Variants in ACSS3 observed in about 807,000 individuals in gnomAD.
ACSS3 encodes the protein acyl-CoA synthetase short chain family member 3, also known as acyl-CoA synthetase short-chain family member 3, mitochondrial.
Under a neutral mutation model 84.2 loss-of-function variants are expected in ACSS3, and 64 were observed. The observed-to-expected ratio is 0.76, with a 90% CI of 0.62 to 0.94. The LOEUF (loss-of-function observed/expected upper bound fraction) is 0.94. Ranked by LOEUF, ACSS3 falls within the 40% of genes least tolerant of loss-of-function variation. The pLI is 0.00. For synonymous variants in ACSS3, 317 were observed against 310.1 expected (o/e 1.02, Z -0.23); for missense variants, 815 against 867.6 (o/e 0.94, Z 0.76).
chr12:81,138,574 G>A (rs1885926500), intron 3 of ACSS3, among the ~76,000 whole-genome samples: 1 of 152,000 alleles, frequency 6.6e-6, no homozygotes, highest in South Asian at 2.1e-4. Context: ...GGCTTTGTGG[G>A]GCTTGAAACT....
At chr12:81,160,163 G>A (rs1029849432) in intron 7 of ACSS3, among the ~76,000 whole-genome samples, 1 of 152,180 alleles carries the variant, frequency 6.6e-6, no homozygotes, top group Non-Finnish European at 1.5e-5. Context: ...AAACTGGTTG[G>A]TATAATTGGT....
At chr12:81,214,534 T>TA (rs966920498) in intron 9 of ACSS3, among the ~76,000 whole-genome samples, 71 of 152,266 alleles carry the variant, frequency 4.7e-4, no homozygotes, top group Admixed American at 3.3e-3. Context: ...TCATAATGTA[T>TA]AAAAAAGATG....
chr12:81,121,917 A>ATTATTT (rs1884643887), intron 2 of ACSS3, among the ~76,000 whole-genome samples: 2 of 66,002 alleles, frequency 3.0e-5, no homozygotes, highest in African/African-American at 6.2e-5. Context: ...AGTATGCTAT[A>ATTATTT]TTATTATTAT....
chr12:81,141,763 A>C (rs551355073), intron 4 of ACSS3, among the ~76,000 whole-genome samples: 1 of 152,166 alleles, frequency 6.6e-6, no homozygotes, highest in Admixed American at 6.5e-5. Context: ...GATAATTTGC[A>C]ATTAGTTGCT....
intron 1 of ACSS3, among the ~76,000 whole-genome samples, chr12:81,087,117 A>T (rs555328534): frequency 6.6e-6 from 1 of 152,158 alleles, no homozygotes; most frequent in South Asian, 2.1e-4. Flanking sequence ...CGAGGATAGT[A>T]AAAAACAGAA....
intron 9 of ACSS3, among the ~76,000 whole-genome samples, chr12:81,204,988 T>C (rs1243048993): frequency 1.3e-5 from 2 of 152,174 alleles, no homozygotes; most frequent in Non-Finnish European, 2.9e-5. Context: ...TTGATCTTAC[T>C]TTATCTGCCT....
At chr12:81,133,664 T>G (rs948865081) in intron 2 of ACSS3, among the ~76,000 whole-genome samples, 1 of 152,148 alleles carries the variant, frequency 6.6e-6, no homozygotes, top group African/African-American at 2.4e-5. Context: ...TGAATCCTCT[T>G]TACTCTGCTC....
At chr12:81,226,229 C>G (rs543339072) in intron 11 of ACSS3, among the ~76,000 whole-genome samples, 9 of 152,028 alleles carry the variant, frequency 5.9e-5, no homozygotes, top group African/African-American at 2.2e-4. Flanking sequence ...TTGTTTAATA[C>G]TAGGTCATTA....
intron 1 of ACSS3, among the ~76,000 whole-genome samples, chr12:81,105,010 CAGACCCGAGATGTAATATA>C (rs1409881937): frequency 4.6e-5 from 7 of 152,106 alleles, no homozygotes; most frequent in African/African-American, 1.7e-4. Flanking sequence ...CAGTAATCTG[CAGACCCGAGATGTAATATA>C]AGACCCGAGA....
intron 8 of ACSS3, 149 bp downstream of exon 8, chr12:81,175,088 T>C: frequency 1.2e-6 from 1 of 835,690 alleles, no homozygotes; most frequent in Non-Finnish European, 1.7e-6. Context: ...CTAAATATAA[T>C]TTTGAAATAG....
chr12:81,204,863 A>G (rs889243758), intron 9 of ACSS3, among the ~76,000 whole-genome samples: 1 of 152,276 alleles, frequency 6.6e-6, no homozygotes, highest in Admixed American at 6.5e-5. Context: ...CATCACTTTA[A>G]TGGAGGAATA....
At chr12:81,101,772 G>T (rs190866360) in intron 1 of ACSS3, among the ~76,000 whole-genome samples, 1 of 151,990 alleles carries the variant, frequency 6.6e-6, no homozygotes, top group Non-Finnish European at 1.5e-5. Flanking sequence ...TATCAAGTCA[G>T]AGGGGCAAAT....
At chr12:81,235,483 A>T (rs1015969971) in intron 13 of ACSS3, among the ~76,000 whole-genome samples, 5 of 151,302 alleles carry the variant, frequency 3.3e-5, no homozygotes, top group Non-Finnish European at 5.9e-5. Context: ...TAGGTATTCC[A>T]CATACATATT....
chr12:81,247,891 A>G (rs2034033653), intron 13 of ACSS3, among the ~76,000 whole-genome samples: 1 of 152,084 alleles, frequency 6.6e-6, no homozygotes, highest in Admixed American at 6.6e-5. Context: ...TGGAATAGGA[A>G]TTGAGGTCTT....
At chr12:81,235,051 A>G (rs562179118) in intron 13 of ACSS3, among the ~76,000 whole-genome samples, 2 of 151,164 alleles carry the variant, frequency 1.3e-5, no homozygotes, top group South Asian at 4.2e-4. Context: ...ATTCAGTTTT[A>G]TTGTTTTACA....
At chr12:81,240,597 T>G (rs1042661422) in intron 13 of ACSS3, among the ~76,000 whole-genome samples, 1 of 152,060 alleles carries the variant, frequency 6.6e-6, no homozygotes, top group Non-Finnish European at 1.5e-5. Flanking sequence ...GTTTTCTATT[T>G]GTTGCCCTTA....
At chr12:81,181,461 T>C (rs1032322601) in intron 8 of ACSS3, among the ~76,000 whole-genome samples, 7 of 152,140 alleles carry the variant, frequency 4.6e-5, no homozygotes, top group African/African-American at 1.7e-4. Context: ...CAAGCATTAA[T>C]GTGGGAATAC....
chr12:81,213,341 G>C (rs2135931668), intron 9 of ACSS3, among the ~76,000 whole-genome samples: 1 of 152,186 alleles, frequency 6.6e-6, no homozygotes, highest in East Asian at 1.9e-4. Flanking sequence ...AAGTGTGTGA[G>C]GAAATATGTA....
At chr12:81,148,906 A>AAT (rs1271862253) in intron 5 of ACSS3, among the ~76,000 whole-genome samples, 1 of 149,968 alleles carries the variant, frequency 6.7e-6, no homozygotes. Context: ...CTAAAAAAAA[A>AAT]AAAAAAAAAA....
Sources: allele counts gnomAD v4.1 joint callset (sites outside exome capture counted in the v4.1 genomes callset), GRCh38; gene constraint gnomAD v4.1.1; transcripts MANE v1.5; gene names NCBI Gene and HGNC (gene_info 2026-07-23, HGNC 2026-07-21).